The following AKAP17A variants were observed in gnomAD, a reference collection of about 807,000 sequenced individuals.
The protein encoded by AKAP17A is A-kinase anchor protein 17A.
In AKAP17A, 15 loss-of-function variants were observed where a neutral mutation model predicts 52.2. The ratio of observed to expected loss-of-function variants is 0.29; its 90% CI spans 0.19 to 0.44. The LOEUF (loss-of-function observed/expected upper bound fraction) is 0.44, where lower values mean the gene tolerates loss of function less well. Ranked by LOEUF, AKAP17A falls within the 20% of genes least tolerant of loss-of-function variation. The probability of loss-of-function intolerance (pLI) is 1.00; values close to 1 mark genes in which losing one functional copy is unlikely to be tolerated. For synonymous variants in AKAP17A, 514 were observed against 424.7 expected, an observed-to-expected ratio of 1.21 and a Z score of -2.58; for missense variants, 1,060 against 1,007.0, an observed-to-expected ratio of 1.05 and a Z score of -0.71.
intron 4 of AKAP17A, chrX:1,599,880 G>A (rs1203499108): frequency 1.4e-5 from 8 of 574,094 alleles, no homozygotes; most frequent in African/African-American, 5.6e-5. Flanking sequence ...GGGGCCTGCC[G>A]TGGGCCCGGG....
intron 3 of AKAP17A, among the ~76,000 whole-genome samples, chrX:1,598,870 G>A (rs1383461537): frequency 5.9e-5 from 9 of 152,280 alleles, no homozygotes; most frequent in South Asian, 2.1e-4. Flanking sequence ...TCTTTCACCC[G>A]TCCGTCTGCC....
chrX:1,598,552 G>T (rs1933152049), intron 3 of AKAP17A, among the ~76,000 whole-genome samples: 1 of 152,166 alleles, frequency 6.6e-6, no homozygotes, highest in South Asian at 2.1e-4. Flanking sequence ...GAGCTGCGGG[G>T]CGGGGGAGGC....
chrX:1,602,311 G>A lies in AKAP17A; in HGVS notation c.*717G>A, dbSNP rs1478508408. ...TTTCTAGTAAAGGTTAGTGTGTGTG[G>A]TTTTTTTAAGAAGCTGTTTTGCTAA... is the stretch of plus-strand genomic sequence containing the variant. On this transcript the variant is annotated 3_prime_UTR_variant, in exon 5 of 5. Transcript: ENST00000313871. 6.6e-6 allele frequency: 1 copy of A among 152,100 alleles called. No individual in the cohort carries two copies. 9.4% of individuals were successfully genotyped at this position (152,100 alleles called of 1,614,324 possible).
intron 3 of AKAP17A, among the ~76,000 whole-genome samples, chrX:1,596,887 T>C (rs111642543): frequency 0.028 from 2,366 of 84,876 alleles, 308 homozygotes; most frequent in African/African-American, 0.13. Flanking sequence ...TCCTCCTCCT[T>C]CTCCGTCCCT....
intron 4 of AKAP17A, 55 bp downstream of exon 4, chrX:1,599,487 C>A (rs770686502): frequency 8.4e-6 from 13 of 1,551,154 alleles, no homozygotes; most frequent in Non-Finnish European, 1.0e-5. Flanking sequence ...CCCTCAGTGC[C>A]CTCCCCTGAA....
chrX:1,593,388 C>T (rs1932872885), intron 1 of AKAP17A, 56 bp from the exon 2 acceptor site: 2 of 1,543,626 alleles, frequency 1.3e-6, no homozygotes, highest in Admixed American at 1.8e-5. Flanking sequence ...GGCCCCTCCT[C>T]ATTGGCGGGG....
At position 1,599,835 on chromosome X, in the gene AKAP17A, C is replaced by T. The variant is rs1344057171; in HGVS notation, c.1152+403C>T. ...TCACCAGTGGCCCAGAGCAGAGGGG[C>T]AAGGTGGGCTGGGGGGAGGGCTGAG... On this transcript the variant is annotated intron_variant, in intron 4 of 4. Transcript: ENST00000313871. 4 of 597,038 alleles carry T rather than the reference C, an allele frequency of 6.7e-6. No individual in the cohort carries two copies. The East Asian group carries it at 1.1e-4, about 17-fold the overall frequency. 37.0% of individuals were successfully genotyped at this position (597,038 alleles called of 1,614,324 possible). A position where few individuals can be genotyped will look rare whatever the true frequency, so the allele number is the denominator to read the frequency against.
rs141337822 is a variant in AKAP17A, at chrX:1,600,850, C to T, written c.1344C>T (p.Asp448=). 590 of 1,591,014 alleles carry T rather than the reference C, an allele frequency of 3.7e-4. No homozygotes were observed. Among genetic ancestry groups the T allele is most frequent in the Non-Finnish European group, 4.7e-4 (548 of 1,173,074 alleles). Residue 448 remains aspartate (D), a synonymous_variant, in exon 5 of 5, where the codon GAC becomes GAT. Transcript: ENST00000313871. ...LLSILLSKKP[D]DSHTHDELGV... ...GCATCCTGCTGAGCAAGAAGCCGGA[C>T]GACAGCCACACACACGACGAGCTGG...
At chrX:1,597,812 G>C (rs1457888687) in intron 3 of AKAP17A, among the ~76,000 whole-genome samples, 110 of 152,278 alleles carry the variant, frequency 7.2e-4, no homozygotes, top group Admixed American at 5.2e-3. Context: ...CCAGACCACA[G>C]AGGGATTGGG....
intron 3 of AKAP17A, among the ~76,000 whole-genome samples, chrX:1,597,062 A>T (rs1423493550): frequency 1.3e-5 from 2 of 152,110 alleles, no homozygotes; most frequent in African/African-American, 2.4e-5. Flanking sequence ...GGGCTCCTGG[A>T]CAGCCTCTGG....
At position 1,593,816 on chromosome X, in the gene AKAP17A, G is replaced by T. The variant is rs1932884552; in HGVS notation, c.354G>T (p.Lys118Asn). 1 of 1,611,224 alleles carries T rather than the reference G, an allele frequency of 6.2e-7. No individual in the cohort carries two copies. Among genetic ancestry groups the T allele is most frequent in the Non-Finnish European group, 8.5e-7 (1 of 1,178,432 alleles). Residue 118 changes from lysine (K) to asparagine (N), a missense_variant, in exon 2 of 5, where the codon AAG becomes AAT. Physicochemically the swap from Lys to Asn is moderately conservative, Grantham distance 94. Transcript: ENST00000313871. ...TGAAGGTGCGCGCGGCCGAGTTCAA[G>T]ATCGACTTCCCCACCCGCCACGACT... Reference protein sequence around the residue: ...DILKVRAAEFKIDFPTRHDWD... With the variant: ...DILKVRAAEFNIDFPTRHDWD...
At position 1,601,712 on chromosome X, in the gene AKAP17A, ACG is replaced by A. The variant is rs2149447430; in HGVS notation, c.*119_*120del. On this transcript the variant is annotated 3_prime_UTR_variant, in exon 5 of 5. Coordinates refer to ENST00000313871, the MANE Select transcript of AKAP17A (RefSeq NM_005088.3). ...GCAAAGCCAAGACCCTTCTGCAGCC[ACG>A]AATGTCCACGGAGCCCGCCGGCAGG... is the stretch of plus-strand genomic sequence containing the variant. 1 of 951,570 alleles carries A rather than the reference ACG, an allele frequency of 1.1e-6. No individual in the cohort carries two copies. The highest frequency in any genetic ancestry group is 1.4e-6 in the Non-Finnish European group (1 of 709,742). The allele number at this position is 951,570 out of a possible 1,614,324, so 58.9% of individuals were successfully genotyped here.
intron 3 of AKAP17A, among the ~76,000 whole-genome samples, chrX:1,597,549 G>A (rs1933072039): frequency 1.3e-5 from 2 of 152,056 alleles, no homozygotes. Flanking sequence ...AGACAGTCCT[G>A]GGGCGTTACA....
At chrX:1,595,756 T>C (rs1932945004) in intron 3 of AKAP17A, among the ~76,000 whole-genome samples, 1 of 152,124 alleles carries the variant, frequency 6.6e-6, no homozygotes, top group African/African-American at 2.4e-5. Flanking sequence ...AGCATCTGTG[T>C]GCACGTGTGC....
Position 1,601,883 on chromosome X carries a change from A to G in AKAP17A, c.*289A>G, listed in dbSNP as rs1156266311. On this transcript the variant is annotated 3_prime_UTR_variant, in exon 5 of 5. Coordinates refer to ENST00000313871, the MANE Select transcript of AKAP17A (RefSeq NM_005088.3). Reference sequence around the variant, plus strand: ...CCTCTCTCAGTCAGGAAAATTGCACAGACCGACAGTCGTGAGGATGGCAGA... The same window carrying G: ...CCTCTCTCAGTCAGGAAAATTGCACGGACCGACAGTCGTGAGGATGGCAGA... The G allele has an allele frequency of 5.4e-6, 2 of 367,720 alleles. No individual in the cohort carries two copies. Among genetic ancestry groups the G allele is most frequent in the Admixed American group, 4.5e-5 (1 of 22,130 alleles). 22.8% of individuals were successfully genotyped at this position (367,720 alleles called of 1,614,324 possible).
At chrX:1,600,530 G>A (rs1410360600) in intron 4 of AKAP17A, 129 bp from the exon 5 acceptor site, 6 of 982,566 alleles carry the variant, frequency 6.1e-6, no homozygotes, top group African/African-American at 1.6e-5. Context: ...CCCCTGGGCT[G>A]GAGTCCAGCC....
chrX:1,601,502 A>G lies in AKAP17A; in HGVS notation c.1996A>G (p.Ser666Gly). 1 of 1,528,928 alleles carries G rather than the reference A, an allele frequency of 6.5e-7. No homozygotes were observed. The highest frequency in any genetic ancestry group is 8.7e-7 in the Non-Finnish European group (1 of 1,149,068). The allele number at this position is 1,528,928 out of a possible 1,614,324, so 94.7% of individuals were successfully genotyped here. Reference protein sequence around the residue: ...RRERSRERRGSASRKHSRHRR... With the variant: ...RRERSRERRGGASRKHSRHRR... ...GGAGCGGAGCCGGGAGCGGAGGGGC[A>G]GCGCCAGCAGGAAGCACAGCCGCCA... Residue 666 changes from serine (S) to glycine (G), a missense_variant, in exon 5 of 5, where the codon AGC (serine) becomes GGC (glycine). Transcript: ENST00000313871.
intron 4 of AKAP17A, 110 bp from the exon 5 acceptor site, chrX:1,600,549 G>C: frequency 1.8e-6 from 2 of 1,139,814 alleles, no homozygotes; most frequent in South Asian, 1.6e-5. Flanking sequence ...CCAGGCCGCT[G>C]ATCCTGCATC....
chrX:1,597,817 A>C (rs1180129114), intron 3 of AKAP17A, among the ~76,000 whole-genome samples: 1 of 151,926 alleles, frequency 6.6e-6, no homozygotes, highest in African/African-American at 2.4e-5. Context: ...CCACAGAGGG[A>C]TTGGGGGAAG....
Sources: gnomAD v4.1 joint callset for allele counts (sites outside exome capture counted in the v4.1 genomes callset) on GRCh38, gnomAD v4.1.1 for gene constraint, MANE v1.5 for transcripts, NCBI Gene and HGNC (gene_info 2026-07-23, HGNC 2026-07-21) for gene names.